Variants in ZNF717 observed in about 807,000 individuals in gnomAD.
The protein encoded by ZNF717 is zinc finger protein 717.
Under a neutral mutation model 13.8 loss-of-function variants are expected in ZNF717, and 9 were observed. That is an observed-to-expected ratio of 0.65 (90% confidence interval 0.39 to 1.14). ZNF717 has a LOEUF of 1.14. Ranked by LOEUF, ZNF717 falls within the 50% of genes most tolerant of loss-of-function variation. The pLI is 0.01. For synonymous variants in ZNF717, 327 were observed against 364.1 expected (o/e 0.90, Z 1.16); for missense variants, 1,040 against 1,080.7 (o/e 0.96, Z 0.53).
At chr3:75,727,963 T>G (rs2106887663), downstream of ZNF717, among the ~76,000 whole-genome samples, 1 of 152,312 alleles carries the variant, frequency 6.6e-6, no homozygotes, top group Non-Finnish European at 1.5e-5. Context: ...CAGCCAACAC[T>G]TAGGGAAAAT....
intron 2 of ZNF717, among the ~76,000 whole-genome samples, chr3:75,771,438 T>C (rs575016168): frequency 6.6e-6 from 1 of 152,314 alleles, no homozygotes; most frequent in Admixed American, 6.5e-5. Flanking sequence ...TTAAATTTAA[T>C]TCAGCTGAAG....
intron 2 of ZNF717, among the ~76,000 whole-genome samples, chr3:75,782,900 C>T (rs1314680160): frequency 6.6e-6 from 1 of 152,180 alleles, no homozygotes; most frequent in African/African-American, 2.4e-5. Flanking sequence ...TGACCGTTTC[C>T]ACTGCACAAC....
At chr3:75,696,007 G>A (rs1937598951) in intron 6 of ZNF717, among the ~76,000 whole-genome samples, 1 of 152,268 alleles carries the variant, frequency 6.6e-6, no homozygotes, top group Non-Finnish European at 1.5e-5. Flanking sequence ...AGAAAACAAT[G>A]CAAAAGACTA....
downstream of ZNF717, among the ~76,000 whole-genome samples, chr3:75,705,615 C>T (rs1459569873): frequency 2.6e-5 from 4 of 152,196 alleles, no homozygotes; most frequent in African/African-American, 7.2e-5. Context: ...CTTCTCCCTC[C>T]CCTTCAAGTC....
intron 2 of ZNF717, among the ~76,000 whole-genome samples, chr3:75,780,854 T>A (rs1944756648): frequency 1.3e-5 from 2 of 152,284 alleles, no homozygotes; most frequent in South Asian, 4.1e-4. Flanking sequence ...ACATAAATCC[T>A]AGAACAAACC....
chr3:75,762,892 C>CA (rs1943150855), intron 2 of ZNF717, among the ~76,000 whole-genome samples: 1 of 152,154 alleles, frequency 6.6e-6, no homozygotes, highest in Non-Finnish European at 1.5e-5. Flanking sequence ...CCAATCCTGG[C>CA]ATATATGGTC....
intron 2 of ZNF717, among the ~76,000 whole-genome samples, chr3:75,754,360 A>T (rs796302352): frequency 8.3e-6 from 1 of 119,934 alleles, no homozygotes; most frequent in Non-Finnish European, 1.9e-5. Context: ...GCAAAAAAAT[A>T]AAAAAAAATA....
downstream of ZNF717, among the ~76,000 whole-genome samples, chr3:75,728,820 C>A (rs1273103489): frequency 6.6e-6 from 1 of 152,288 alleles, no homozygotes; most frequent in Non-Finnish European, 1.5e-5. Context: ...TGAGAACAGA[C>A]TGATACAGTC....
intron 2 of ZNF717, among the ~76,000 whole-genome samples, chr3:75,777,964 TA>T (rs1944466688): frequency 6.8e-6 from 1 of 146,680 alleles, no homozygotes; most frequent in Non-Finnish European, 1.5e-5. Context: ...AGTGACGTGC[TA>T]AAACCGGAAA....
downstream of ZNF717, among the ~76,000 whole-genome samples, chr3:75,735,644 A>G (rs1266055104): frequency 7.1e-6 from 1 of 140,382 alleles, no homozygotes; most frequent in Non-Finnish European, 1.5e-5. Flanking sequence ...ATAAAAAAAA[A>G]AAAAAAAAAA....
At chr3:75,756,672 T>G (rs1575872952) in intron 2 of ZNF717, among the ~76,000 whole-genome samples, 1 of 150,580 alleles carries the variant, frequency 6.6e-6, no homozygotes, top group East Asian at 2.0e-4. Flanking sequence ...TCCTTTTTCT[T>G]TTTTTTTTTC....
At chr3:75,764,978 G>T (rs1943322458) in intron 2 of ZNF717, among the ~76,000 whole-genome samples, 2 of 125,200 alleles carry the variant, frequency 1.6e-5, no homozygotes, top group Non-Finnish European at 3.3e-5. Flanking sequence ...GGAATGGACG[G>T]ATAAACAAAA....
intron 2 of ZNF717, among the ~76,000 whole-genome samples, chr3:75,780,079 A>G (rs1194849409): frequency 6.6e-6 from 1 of 151,602 alleles, no homozygotes; most frequent in African/African-American, 2.4e-5. Flanking sequence ...CCAGAAACCC[A>G]AAACAATGGG....
chr3:75,757,419 G>A (rs531108777), intron 2 of ZNF717, among the ~76,000 whole-genome samples: 123 of 152,322 alleles, frequency 8.1e-4, no homozygotes, highest in Non-Finnish European at 1.4e-3. Flanking sequence ...TGGGAACAAA[G>A]CCTGGATGAC....
At chr3:75,778,277 A>C (rs1206306454) in intron 2 of ZNF717, among the ~76,000 whole-genome samples, 1 of 144,218 alleles carries the variant, frequency 6.9e-6, no homozygotes, top group Non-Finnish European at 1.5e-5. Context: ...TGGGAGTGAC[A>C]TGCTAAAACT....
chr3:75,765,882 G>A (rs112393862), intron 2 of ZNF717, among the ~76,000 whole-genome samples: 43 of 152,312 alleles, frequency 2.8e-4, no homozygotes, highest in African/African-American at 8.2e-4. Flanking sequence ...GCCAAGGTGC[G>A]TAGATTGCTT....
Position 75,739,039 on chromosome 3 carries a change from T to C in ZNF717, c.584A>G (p.His195Arg). The C allele has an allele frequency of 1.9e-6, 3 of 1,551,624 alleles. No individual in the cohort carries two copies. The highest frequency in any genetic ancestry group is 1.4e-5 in the African/African-American group (1 of 73,172). ...TTGAATCTTGTGATGCTGAGTAAGATGTTCATGATGTCTGTGGGATCTCCT... is the reference window on the plus strand; with the variant it reads ...TTGAATCTTGTGATGCTGAGTAAGACGTTCATGATGTCTGTGGGATCTCCT... ...ITRRSHRHHE[H>R]LTQHHKIQTL... is the part of the protein sequence containing the mutation. Residue 195 changes from histidine (H) to arginine (R), a missense_variant, in exon 5 of 5, where the codon CAT becomes CGT. His to Arg is a conservative substitution (Grantham distance 29). Transcript: ENST00000652011.
At chr3:75,742,703 T>C (rs1940631756) in intron 2 of ZNF717, among the ~76,000 whole-genome samples, 1 of 152,234 alleles carries the variant, frequency 6.6e-6, no homozygotes, top group Non-Finnish European at 1.5e-5. Context: ...GAACTGATTA[T>C]GCAGTGATTC....
chr3:75,726,246 G>A (rs895869735), downstream of ZNF717, among the ~76,000 whole-genome samples: 1 of 152,276 alleles, frequency 6.6e-6, no homozygotes, highest in African/African-American at 2.4e-5. Flanking sequence ...TGCCCTGAGA[G>A]GGAGGGCACA....
Sources: allele counts gnomAD v4.1 joint callset (sites outside exome capture counted in the v4.1 genomes callset), GRCh38; gene constraint gnomAD v4.1.1; transcripts MANE v1.5; gene names NCBI Gene and HGNC (gene_info 2026-07-23, HGNC 2026-07-21).